The following CPA6 variants were observed in gnomAD, a reference collection of about 807,000 sequenced individuals.
CPA6 encodes carboxypeptidase B.
A neutral mutation model predicts 63.3 loss-of-function variants in CPA6; 58 were observed. That is an observed-to-expected ratio of 0.92 (90% confidence interval 0.74 to 1.14). The LOEUF is 1.14. CPA6 is among the 50% of genes most tolerant of loss of function. The probability of loss-of-function intolerance (pLI) is 0.00; values close to 1 mark genes in which losing one functional copy is unlikely to be tolerated. For missense variants in CPA6, 565 were observed against 526.6 expected, an observed-to-expected ratio of 1.07 and a Z score of -0.71; for synonymous variants, 185 against 179.0, an observed-to-expected ratio of 1.03 and a Z score of -0.27.
intron 1 of CPA6, among the ~76,000 whole-genome samples, chr8:67,693,894 C>T (rs1816861806): frequency 6.6e-6 from 1 of 152,216 alleles, no homozygotes; most frequent in South Asian, 2.1e-4. Flanking sequence ...ATAAACTCAA[C>T]TAAAATTCAG....
At chr8:67,693,769 G>A (rs1587707126) in intron 1 of CPA6, among the ~76,000 whole-genome samples, 1 of 152,312 alleles carries the variant, frequency 6.6e-6, no homozygotes, top group East Asian at 1.9e-4. Context: ...GAGAGTTAGA[G>A]TTCTGTTGTT....
intron 1 of CPA6, chr8:67,732,507 C>T (rs1247634455): frequency 6.6e-6 from 1 of 152,242 alleles, no homozygotes; most frequent in Admixed American, 6.5e-5. Flanking sequence ...CAGCATCTTA[C>T]TCTCAACTTG....
At chr8:67,503,660 G>A (rs1346310529) in intron 6 of CPA6, among the ~76,000 whole-genome samples, 1 of 151,874 alleles carries the variant, frequency 6.6e-6, no homozygotes, top group Non-Finnish European at 1.5e-5. Flanking sequence ...ATACCAAATT[G>A]CTGATATAAT....
intron 6 of CPA6, among the ~76,000 whole-genome samples, chr8:67,486,064 T>C (rs1811470422): frequency 6.6e-6 from 1 of 152,250 alleles, no homozygotes; most frequent in South Asian, 2.1e-4. Context: ...ACTTAGGTTG[T>C]TTTTGTCACT....
intron 2 of CPA6, among the ~76,000 whole-genome samples, chr8:67,562,332 C>T (rs962632389): frequency 2.0e-5 from 3 of 152,170 alleles, no homozygotes; most frequent in Admixed American, 1.3e-4. Context: ...TACTTGGGCA[C>T]TCACAGCTCT....
intron 9 of CPA6, among the ~76,000 whole-genome samples, chr8:67,429,306 C>T (rs924934200): frequency 4.6e-5 from 7 of 152,222 alleles, no homozygotes; most frequent in African/African-American, 1.7e-4. Context: ...TATAAAAACA[C>T]TGGTTTCAAC....
intron 8 of CPA6, among the ~76,000 whole-genome samples, chr8:67,456,990 C>G (rs1446803079): frequency 2.0e-5 from 3 of 152,208 alleles, no homozygotes; most frequent in African/African-American, 7.2e-5. Context: ...GGGAAGGAAA[C>G]AGATTCTCCC....
intron 2 of CPA6, among the ~76,000 whole-genome samples, chr8:67,543,263 T>C (rs1812744043): frequency 6.6e-6 from 1 of 152,238 alleles, no homozygotes; most frequent in Non-Finnish European, 1.5e-5. Flanking sequence ...TCAAGTCACT[T>C]ATGTTTTTGT....
chr8:67,579,274 G>A (rs1813705470), intron 2 of CPA6, among the ~76,000 whole-genome samples: 1 of 152,164 alleles, frequency 6.6e-6, no homozygotes, highest in Non-Finnish European at 1.5e-5. Context: ...TTAGCCAGGT[G>A]TGGTGGTGGG....
rs148003119 is a variant in CPA6, at chr8:67,469,727, C to A, written c.838+14041G>T. Among the ~76,000 whole-genome samples, 53 of 152,344 alleles carry A rather than the reference C, an allele frequency of 3.5e-4. 1 individual carries two copies. Among genetic ancestry groups the A allele is most frequent in the African/African-American group, 1.3e-3 (52 of 41,580 alleles). On this transcript the variant is annotated intron_variant, in intron 8 of 10. Coordinates refer to ENST00000297770, the MANE Select transcript of CPA6 (RefSeq NM_020361.5). ...CATCCCTGGGTTTCCAGCCTGCTGG[C>A]CTACCCTGTAGATTTTGGACTTGCC...
At chr8:67,423,096 T>G (rs1186101270) in intron 10 of CPA6, among the ~76,000 whole-genome samples, 1 of 152,224 alleles carries the variant, frequency 6.6e-6, no homozygotes, top group Non-Finnish European at 1.5e-5. Context: ...AATGTCTTTT[T>G]TTTTTTGAGA....
At chr8:67,581,731 G>A (rs1199434609) in intron 2 of CPA6, among the ~76,000 whole-genome samples, 1 of 152,176 alleles carries the variant, frequency 6.6e-6, no homozygotes, top group Non-Finnish European at 1.5e-5. Context: ...AAATAGGTCA[G>A]CCACTAAGAT....
At chr8:67,606,187 T>TG (rs1814632546) in intron 2 of CPA6, among the ~76,000 whole-genome samples, 1 of 19,362 alleles carries the variant, frequency 5.2e-5, no homozygotes, top group Non-Finnish European at 9.6e-5. Flanking sequence ...TGTTTTGGGG[T>TG]GGGGGAGGGG....
intron 4 of CPA6, among the ~76,000 whole-genome samples, chr8:67,510,628 G>T (rs117883073): frequency 6.6e-6 from 1 of 152,160 alleles, no homozygotes; most frequent in Non-Finnish European, 1.5e-5. Flanking sequence ...ACCAAAAACC[G>T]TCTTAAGAAT....
chr8:67,736,742 C>A (rs1817819841), intron 1 of CPA6, among the ~76,000 whole-genome samples: 2 of 152,136 alleles, frequency 1.3e-5, no homozygotes, highest in East Asian at 1.9e-4. Flanking sequence ...GCCTAGAGGT[C>A]TCTCTTGAGC....
At position 67,506,817 on chromosome 8, in the gene CPA6, A is replaced by G; in HGVS notation, c.606T>C (p.Gly202=). The G allele has an allele frequency of 6.2e-7, 1 of 1,613,246 alleles. No individual in the cohort carries two copies. Among genetic ancestry groups the G allele is most frequent in the Non-Finnish European group, 8.5e-7 (1 of 1,179,292 alleles). The change falls in exon 6 of 11, where the codon GGT becomes GGC. Residue 202 remains glycine, a synonymous_variant. Coordinates refer to ENST00000297770, the MANE Select transcript of CPA6 (RefSeq NM_020361.5). ...TTACAAACCACTGACAAAAGGCAGG[A>G]CCAATCCATTCTCTTGCATGAATAC... The part of the protein sequence containing the change: ...DCGIHAREWI[G]PAFCQWFVKE...
chr8:67,734,736 CCATCA>C (rs1322269329), intron 1 of CPA6, among the ~76,000 whole-genome samples: 2 of 152,152 alleles, frequency 1.3e-5, no homozygotes, highest in Non-Finnish European at 2.9e-5. Context: ...ATCAGACATC[CCATCA>C]CATCATCCCA....
intron 1 of CPA6, among the ~76,000 whole-genome samples, chr8:67,729,804 T>A (rs1444030327): frequency 1.3e-5 from 2 of 152,152 alleles, no homozygotes; most frequent in African/African-American, 2.4e-5. Flanking sequence ...GAGATGTAAA[T>A]CACCACTTGA....
chr8:67,619,505 G>A (rs906415864), intron 2 of CPA6, among the ~76,000 whole-genome samples: 3 of 152,224 alleles, frequency 2.0e-5, no homozygotes, highest in South Asian at 4.2e-4. Flanking sequence ...GGCATTGACC[G>A]GGGTGTGCTG....
Sources: allele counts gnomAD v4.1 joint callset (sites outside exome capture counted in the v4.1 genomes callset), GRCh38; gene constraint gnomAD v4.1.1; transcripts MANE v1.5; gene names NCBI Gene and HGNC (gene_info 2026-07-23, HGNC 2026-07-21).